CPM: variants seen among roughly 807,000 people sequenced by gnomAD.
The protein encoded by CPM is renal carboxypeptidase.
A neutral mutation model predicts 46.4 loss-of-function variants in CPM; 35 were observed. That is an observed-to-expected ratio of 0.75 (90% CI 0.58 to 1.00). The LOEUF is 1.00. CPM is among the 50% of genes least tolerant of loss of function. The pLI is 0.00. For missense variants in CPM, 422 were observed against 530.4 expected (o/e 0.80, Z 2.01); for synonymous variants, 195 against 195.3 (o/e 1.00, Z 0.01).
At chr12:68,882,531 G>C (rs140819057) in intron 3 of CPM, among the ~76,000 whole-genome samples, 159 of 152,248 alleles carry the variant, frequency 1.0e-3, no homozygotes, top group African/African-American at 3.2e-3. Context: ...ATGAACATAC[G>C]TGTGAATGTG....
chr12:68,864,906 C>T (rs919681224), intron 7 of CPM, among the ~76,000 whole-genome samples: 10 of 152,002 alleles, frequency 6.6e-5, no homozygotes, highest in African/African-American at 2.4e-4. Context: ...GTCCTACTTA[C>T]TTGGGACACT....
At chr12:68,925,098 A>C (rs1888204654) in intron 2 of CPM, among the ~76,000 whole-genome samples, 1 of 152,214 alleles carries the variant, frequency 6.6e-6, no homozygotes, top group South Asian at 2.1e-4. Context: ...ACATACTACA[A>C]TCATCTTTCA....
chr12:68,872,091 T>G, intron 3 of CPM, 135 bp from the exon 4 acceptor site: 1 of 884,488 alleles, frequency 1.1e-6, no homozygotes, highest in South Asian at 1.7e-5. Flanking sequence ...AAGATCACTC[T>G]TTCTCAAGCA....
chr12:68,949,697 T>C (rs1299164902), intron 1 of CPM, among the ~76,000 whole-genome samples: 1 of 152,130 alleles, frequency 6.6e-6, no homozygotes, highest in Non-Finnish European at 1.5e-5. Context: ...AAAGAAGGTG[T>C]ATTAGGTTGT....
intron 2 of CPM, among the ~76,000 whole-genome samples, chr12:68,927,521 T>C (rs1218765160): frequency 6.6e-6 from 1 of 152,138 alleles, no homozygotes; most frequent in Non-Finnish European, 1.5e-5. Flanking sequence ...GGTTGCCTGT[T>C]CACTCTGATG....
rs373408348 is a variant in CPM, at chr12:68,866,936, G to T, written c.900C>A (p.Asn300Lys). 1 of 1,614,060 alleles carries T rather than the reference G, an allele frequency of 6.2e-7. No individual in the cohort carries two copies. The highest frequency in any genetic ancestry group is 8.5e-7 in the Non-Finnish European group (1 of 1,179,984). ...TTATATATTCAATTAATGAGGCTTT[G>T]TTATTATTCCAAAAGGATGGAAGCT... ...EEKLPSFWNN[N>K]KASLIEYIKQ... The change falls in exon 7 of 9, where the codon AAC becomes AAA. Residue 300 changes from asparagine to lysine, a missense_variant. Coordinates refer to ENST00000551568, the MANE Select transcript of CPM (RefSeq NM_198320.5).
chr12:68,912,410 T>G (rs769865431), intron 2 of CPM, among the ~76,000 whole-genome samples: 3 of 152,224 alleles, frequency 2.0e-5, no homozygotes, highest in African/African-American at 7.2e-5. Flanking sequence ...GATACCACCA[T>G]CTTTTTCATA....
intron 1 of CPM, among the ~76,000 whole-genome samples, chr12:68,950,375 G>A (rs1451028476): frequency 6.6e-6 from 1 of 152,136 alleles, no homozygotes; most frequent in Admixed American, 6.5e-5. Flanking sequence ...TCAGGAAATG[G>A]AAATCTTATT....
At chr12:68,952,165 C>G (rs1207107719) in intron 1 of CPM, among the ~76,000 whole-genome samples, 1 of 152,152 alleles carries the variant, frequency 6.6e-6, no homozygotes, top group Non-Finnish European at 1.5e-5. Context: ...GAGGGAAAGC[C>G]TATCTTATTT....
chr12:68,862,723 C>T (rs1404551131), intron 7 of CPM, among the ~76,000 whole-genome samples: 1 of 92,296 alleles, frequency 1.1e-5, no homozygotes, highest in East Asian at 2.0e-4. Flanking sequence ...GTCTACATAC[C>T]ACCAAACCTT....
At chr12:68,911,867 C>T (rs1887608313) in intron 2 of CPM, 1 of 152,154 alleles carries the variant, frequency 6.6e-6, no homozygotes, top group South Asian at 2.1e-4. Context: ...TGAACCCAGG[C>T]AATCTGTGTT....
chr12:68,858,659 AG>A (rs1206100288), intron 8 of CPM, among the ~76,000 whole-genome samples: 1 of 152,058 alleles, frequency 6.6e-6, no homozygotes, highest in Non-Finnish European at 1.5e-5. Context: ...TAATCATAAA[AG>A]ATATCACAAG....
At chr12:68,871,717 A>T in intron 4 of CPM, 67 bp downstream of exon 4, 1 of 1,556,218 alleles carries the variant, frequency 6.4e-7, no homozygotes, top group South Asian at 1.2e-5. Context: ...GCCAAGGCCA[A>T]CAGGTGCCTG....
At chr12:68,950,153 G>C (rs897269129) in intron 1 of CPM, among the ~76,000 whole-genome samples, 2 of 152,126 alleles carry the variant, frequency 1.3e-5, no homozygotes, top group African/African-American at 4.8e-5. Flanking sequence ...AAATTAAGGT[G>C]CATGTTCTAA....
rs1339452163 is a variant in CPM, at chr12:68,866,975, A to G, written c.861T>C (p.Tyr287=). The G allele has an allele frequency of 1.9e-6, 3 of 1,614,182 alleles. No homozygotes were observed. The highest frequency in any genetic ancestry group is 2.5e-6 in the Non-Finnish European group (3 of 1,179,998). The stretch of plus-strand genomic sequence containing the variant: ...AGGATGGAAGCTTCTCCTCACGAGG[A>G]TATTTACAGCATGACAGCTCCAACG... ...EITLELSCCK[Y]PREEKLPSFW... The change falls in exon 7 of 9, where the codon TAT becomes TAC. Residue 287 remains tyrosine (Y), a synonymous_variant. Transcript: ENST00000551568.
At chr12:68,942,202 T>G (rs1888776405) in intron 1 of CPM, among the ~76,000 whole-genome samples, 1 of 152,240 alleles carries the variant, frequency 6.6e-6, no homozygotes, top group African/African-American at 2.4e-5. Flanking sequence ...TGTTTTCTGT[T>G]TGTTATGCAA....
chr12:68,850,849 T>TTATATTTTTCATTATTACATTATATTTCA (rs1884636500), downstream of CPM, among the ~76,000 whole-genome samples: 2 of 152,186 alleles, frequency 1.3e-5, no homozygotes, highest in Non-Finnish European at 2.9e-5. Context: ...TTTATTACAT[T>TTATATTTTTCATTATTACATTATATTTCA]AATATAAATT....
rs149683921 is a variant in CPM at position 68,845,527 on chromosome 12, A to C, written c.534-3198T>G. The C allele has an allele frequency of 2.1e-5, 4 of 192,768 alleles. No homozygotes were observed. The East Asian group carries it at 3.3e-4, about 16-fold the overall frequency. The allele number at this position is 192,768 out of a possible 1,614,324, so 11.9% of individuals were successfully genotyped here. ...TTAGAGTAATAGTATTTTGAATGAAAACCATAGTTGATTGTCTTTAGAGAG... is the reference window on the plus strand; with the variant it reads ...TTAGAGTAATAGTATTTTGAATGAACACCATAGTTGATTGTCTTTAGAGAG... On this transcript the variant is annotated intron_variant, in intron 5 of 5. Transcript: ENST00000551897.
intron 1 of CPM, among the ~76,000 whole-genome samples, chr12:68,938,526 A>T (rs1367501804): frequency 6.6e-6 from 1 of 152,192 alleles, no homozygotes; most frequent in Non-Finnish European, 1.5e-5. Flanking sequence ...ATCTAGAAAC[A>T]TTCTCAGAGC....
Sources: allele counts gnomAD v4.1 joint callset (sites outside exome capture counted in the v4.1 genomes callset), GRCh38; gene constraint gnomAD v4.1.1; transcripts MANE v1.5; gene names NCBI Gene and HGNC (gene_info 2026-07-23, HGNC 2026-07-21).